TAX1BP1: variants seen among roughly 807,000 people sequenced by gnomAD.
The protein encoded by TAX1BP1 is tax1-binding protein 1.
Under a neutral mutation model 97.7 loss-of-function variants are expected in TAX1BP1, and 62 were observed. That is an observed-to-expected ratio of 0.63 (90% CI 0.52 to 0.78). The LOEUF (loss-of-function observed/expected upper bound fraction) is 0.78, where lower values mean the gene tolerates loss of function less well. Among genes scored for constraint, TAX1BP1 ranks in the 30% least tolerant of loss-of-function variants. TAX1BP1 has a pLI of 0.00. For synonymous variants in TAX1BP1, 340 were observed against 304.2 expected (o/e 1.12, Z -1.23); for missense variants, 867 against 916.1 (o/e 0.95, Z 0.69).
At chr7:27,778,944 A>T (rs1256140170) in intron 5 of TAX1BP1, among the ~76,000 whole-genome samples, 3 of 151,876 alleles carry the variant, frequency 2.0e-5, no homozygotes, top group Non-Finnish European at 4.4e-5. Context: ...TAATTTTAGG[A>T]TGTTTTTTAT....
At chr7:27,779,040 C>T (rs575975211) in intron 5 of TAX1BP1, among the ~76,000 whole-genome samples, 1 of 152,140 alleles carries the variant, frequency 6.6e-6, no homozygotes, top group Admixed American at 6.5e-5. Context: ...AGTCTACTTT[C>T]TCTGTCTCTA....
At chr7:27,820,896 ATTTCAGATTT>A (rs1790947565) in intron 15 of TAX1BP1, among the ~76,000 whole-genome samples, 1 of 152,208 alleles carries the variant, frequency 6.6e-6, no homozygotes, top group African/African-American at 2.4e-5. Flanking sequence ...AGTATTTCAG[ATTTCAGATTT>A]TTTCAGATTT....
chr7:27,807,769 A>G (rs1393634862), intron 13 of TAX1BP1, among the ~76,000 whole-genome samples: 2 of 152,144 alleles, frequency 1.3e-5, no homozygotes, highest in African/African-American at 4.8e-5. Flanking sequence ...TTCTAACTCC[A>G]TAATTCCTTC....
intron 11 of TAX1BP1, among the ~76,000 whole-genome samples, chr7:27,795,216 T>G (rs902183801): frequency 6.6e-6 from 1 of 152,218 alleles, no homozygotes; most frequent in Non-Finnish European, 1.5e-5. Flanking sequence ...GAATTGAGCC[T>G]TCTGTTTCCA....
At chr7:27,758,260 T>C (rs1287147391) in intron 3 of TAX1BP1, 127 bp downstream of exon 3, 2 of 593,880 alleles carry the variant, frequency 3.4e-6, no homozygotes, top group Middle Eastern at 2.9e-4. Context: ...TTAGTGTCTT[T>C]ACTTAGCAAA....
intron 2 of TAX1BP1, among the ~76,000 whole-genome samples, chr7:27,754,531 T>A (rs1387306464): frequency 1.3e-5 from 2 of 151,752 alleles, no homozygotes; most frequent in Non-Finnish European, 2.9e-5. Context: ...CTTCCAGCCT[T>A]GTTTTATTAA....
At chr7:27,812,603 G>A (rs1298702903) in intron 13 of TAX1BP1, among the ~76,000 whole-genome samples, 2 of 151,962 alleles carry the variant, frequency 1.3e-5, no homozygotes, top group Non-Finnish European at 2.9e-5. Context: ...CTTCCAAAAG[G>A]TTTGTAGTTT....
In TAX1BP1 at chr7:27,793,153, G is replaced by T; in HGVS notation, c.1351G>T (p.Glu451Ter). The T allele has an allele frequency of 6.3e-7, 1 of 1,595,790 alleles. No homozygotes were observed. Among genetic ancestry groups the T allele is most frequent in the Non-Finnish European group, 8.5e-7 (1 of 1,175,976 alleles). The change falls in exon 10 of 17, where the codon GAA becomes TAA. Residue 451 changes from glutamate (E) to a stop codon, truncating the protein, a stop_gained. Coordinates refer to ENST00000396319, the MANE Select transcript of TAX1BP1 (RefSeq NM_006024.7). LOFTEE classifies it high-confidence loss of function. ...RLQMAADHYK[E>*]KFKECQRLQK... ...TCAGATGGCTGCAGACCATTATAAA[G>T]AAAAATTTAAGGAATGCCAAAGGCT...
chr7:27,795,386 T>C (rs1158817562), intron 11 of TAX1BP1, among the ~76,000 whole-genome samples: 1 of 152,048 alleles, frequency 6.6e-6, no homozygotes, highest in African/African-American at 2.4e-5. Context: ...GGCAAGAGGA[T>C]CACTTGAGCT....
intron 7 of TAX1BP1, among the ~76,000 whole-genome samples, chr7:27,785,981 T>C (rs766433616): frequency 1.3e-5 from 2 of 152,176 alleles, no homozygotes; most frequent in Non-Finnish European, 2.9e-5. Flanking sequence ...CTATTTTTCC[T>C]TTTTAAGAAC....
At chr7:27,808,103 A>G (rs192929460) in intron 13 of TAX1BP1, among the ~76,000 whole-genome samples, 3 of 152,216 alleles carry the variant, frequency 2.0e-5, no homozygotes, top group Admixed American at 2.0e-4. Flanking sequence ...GCCCTGTTCC[A>G]TTTACTGGTG....
At chr7:27,742,548 A>T (rs1298306527) in intron 1 of TAX1BP1, among the ~76,000 whole-genome samples, 3 of 152,198 alleles carry the variant, frequency 2.0e-5, no homozygotes, top group Non-Finnish European at 4.4e-5. Context: ...GTACAGAACA[A>T]AATGGAGTCT....
chr7:27,802,363 C>T (rs577509686), intron 13 of TAX1BP1, among the ~76,000 whole-genome samples: 1 of 152,286 alleles, frequency 6.6e-6, no homozygotes, highest in East Asian at 1.9e-4. Flanking sequence ...TTTTGGGTAC[C>T]TTCCCTGATC....
intron 5 of TAX1BP1, among the ~76,000 whole-genome samples, chr7:27,782,176 T>C (rs1306629391): frequency 6.6e-6 from 1 of 152,196 alleles, no homozygotes; most frequent in Non-Finnish European, 1.5e-5. Context: ...ATTCTTTCTT[T>C]GTATCCAAAT....
chr7:27,796,217 C>T lies in TAX1BP1; in HGVS notation c.1636C>T (p.Gln546Ter). 6.4e-7 allele frequency: 1 copy of T among 1,574,644 alleles called. No homozygotes were observed. The highest frequency in any genetic ancestry group is 8.6e-7 in the Non-Finnish European group (1 of 1,166,476). Residue 546 changes from glutamine (Q) to a stop codon, truncating the protein, a stop_gained and splice_region_variant, in exon 12 of 17, where the codon CAG becomes TAG. Transcript: ENST00000396319. LOFTEE classifies it high-confidence loss of function. ...GTATAATAAATGTAAACAACTCTTG[C>T]AGGTAAGTTAACTACCTTGTAAGTG... ...EKYNKCKQLL[Q>*]DEKAKCNKYA...
chr7:27,750,655 A>T (rs573563423), intron 2 of TAX1BP1, among the ~76,000 whole-genome samples: 1 of 152,196 alleles, frequency 6.6e-6, no homozygotes, highest in Non-Finnish European at 1.5e-5. Flanking sequence ...AAGTCTTTGT[A>T]TATGTATAGG....
intron 7 of TAX1BP1, among the ~76,000 whole-genome samples, chr7:27,786,986 C>T (rs1256276158): frequency 1.3e-5 from 2 of 152,192 alleles, no homozygotes; most frequent in Admixed American, 6.5e-5. Flanking sequence ...TCGTACTTTT[C>T]GCCTGCAGAA....
chr7:27,765,970 T>A lies in TAX1BP1; in HGVS notation c.402T>A (p.Asp134Glu), dbSNP rs756731353. 9 of 1,614,064 alleles carry A rather than the reference T, an allele frequency of 5.6e-6. No individual in the cohort carries two copies. The East Asian group carries it at 1.8e-4, about 32-fold the overall frequency. The stretch of plus-strand genomic sequence containing the variant: ...TTGAAGAGCTGCTTACTATGGAAGA[T>A]GAAGGAAATTCTGACATGTTAGTGG... Reference protein sequence around the residue: ...SPVEELLTMEDEGNSDMLVVT... With the variant: ...SPVEELLTMEEEGNSDMLVVT... The change falls in exon 4 of 17, where the codon GAT becomes GAA. Residue 134 changes from aspartate (D) to glutamate (E), a missense_variant. Physicochemically the swap from Asp to Glu is conservative, Grantham distance 45 (BLOSUM62 2). This residue lies in a region of TAX1BP1 where 822 missense variants were observed against 851.4 expected (regional missense o/e 0.97). Coordinates refer to ENST00000396319, the MANE Select transcript of TAX1BP1 (RefSeq NM_006024.7).
At position 27,807,009 on chromosome 7, in the gene TAX1BP1, C is replaced by T. The variant is rs573944553; in HGVS notation, c.1764+6919C>T. ...ATTCCTAAGTATTTTTGTTTTTCCT[C>T]TTGAAAATGGGATTTTCTCTTTCAT... is the stretch of plus-strand genomic sequence containing the variant. On this transcript the variant is annotated intron_variant, in intron 13 of 16. Coordinates refer to ENST00000396319, the MANE Select transcript of TAX1BP1 (RefSeq NM_006024.7). Among the ~76,000 whole-genome samples, 12 of 152,094 alleles carry T rather than the reference C, an allele frequency of 7.9e-5. No homozygotes were observed. In the South Asian group the frequency reaches 2.3e-3, roughly 29 times the overall value.
Sources: gnomAD v4.1 joint callset for allele counts (sites outside exome capture counted in the v4.1 genomes callset) on GRCh38, gnomAD v4.1.1 for gene constraint, gnomAD v4.1.1 regional missense constraint, MANE v1.5 for transcripts, NCBI Gene and HGNC (gene_info 2026-07-23, HGNC 2026-07-21) for gene names.